Variants in FSTL4 observed in about 807,000 individuals in gnomAD.
FSTL4 encodes the protein follistatin like 4, also known as follistatin-related protein 4.
A neutral mutation model predicts 78.2 loss-of-function variants in FSTL4; 28 were observed. The observed-to-expected ratio is 0.36, with a 90% CI of 0.27 to 0.49. The LOEUF is 0.49. Ranked by LOEUF, FSTL4 falls within the 20% of genes least tolerant of loss-of-function variation. FSTL4 has a pLI of 0.98. For missense variants in FSTL4, 922 were observed against 1,084.9 expected (o/e 0.85, Z 2.11); for synonymous variants, 422 against 440.5 (o/e 0.96, Z 0.53).
intron 6 of FSTL4, among the ~76,000 whole-genome samples, chr5:133,299,875 C>T (rs1753493285): frequency 6.6e-6 from 1 of 152,218 alleles, no homozygotes; most frequent in Non-Finnish European, 1.5e-5. Flanking sequence ...AGTCGGTACA[C>T]TGTCTACAGG....
At chr5:133,222,778 C>T (rs556233587) in intron 11 of FSTL4, among the ~76,000 whole-genome samples, 3 of 152,290 alleles carry the variant, frequency 2.0e-5, no homozygotes, top group African/African-American at 4.8e-5. Flanking sequence ...TAAGAGGGCC[C>T]GAAGGAGCTG....
chr5:133,829,282 A>G, the FSTL4 span, among the ~76,000 whole-genome samples: 4 of 152,194 alleles, frequency 2.6e-5, no homozygotes, highest in Admixed American at 1.3e-4. Context: ...CTGTAGTCCC[A>G]GCTACTCAGG....
In FSTL4 at chr5:133,426,095, T is replaced by C. The variant is rs557628605; in HGVS notation, c.161-25109A>G. Among the ~76,000 whole-genome samples, 1 of 152,336 alleles carries C rather than the reference T, an allele frequency of 6.6e-6. No individual in the cohort carries two copies. Among genetic ancestry groups the C allele is most frequent in the South Asian group, 2.1e-4 (1 of 4,816 alleles). On this transcript the variant is annotated intron_variant, in intron 3 of 15. Transcript: ENST00000265342. The surrounding 1 kb of genome is among the most constrained non-coding windows in gnomAD (Gnocchi z 5.0). ...AGTGGACCAGTCTTGACTTCCTCTG[T>C]AGCTTTCACCTTCCTCATTGCCCCA... is the stretch of plus-strand genomic sequence containing the variant.
intron 4 of FSTL4, among the ~76,000 whole-genome samples, chr5:133,362,407 G>A (rs1308783074): frequency 6.6e-6 from 1 of 152,228 alleles, no homozygotes; most frequent in Non-Finnish European, 1.5e-5. Context: ...AGTCGGCACT[G>A]GATCTGAAAG....
At position 133,225,513 on chromosome 5, in the gene FSTL4, A is replaced by C; in HGVS notation, c.1177+145T>G. Reference sequence around the variant, plus strand: ...AGCCCCAAAAGATCTGTGTGAGCCCAGATAACAGGGAAATTTGGGAGCCAT... The same window carrying C: ...AGCCCCAAAAGATCTGTGTGAGCCCCGATAACAGGGAAATTTGGGAGCCAT... On this transcript the variant is annotated intron_variant, in intron 9 of 15. Transcript: ENST00000265342. The surrounding 1 kb of genome is among the most constrained non-coding windows in gnomAD (Gnocchi z 4.6). 1.1e-6 allele frequency: 1 copy of C among 871,306 alleles called. No individual in the cohort carries two copies. The highest frequency in any genetic ancestry group is 1.8e-6 in the Non-Finnish European group (1 of 555,366). The allele number at this position is 871,306 out of a possible 1,614,324, so 54.0% of individuals were successfully genotyped here.
chr5:133,791,166 T>C, the FSTL4 span, among the ~76,000 whole-genome samples: 1 of 152,138 alleles, frequency 6.6e-6, no homozygotes, highest in Non-Finnish European at 1.5e-5. Context: ...CTTCACCAGA[T>C]AGCCACCTGG....
intron 2 of FSTL4, among the ~76,000 whole-genome samples, chr5:133,592,210 C>T (rs962553556): frequency 1.3e-5 from 2 of 152,176 alleles, no homozygotes; most frequent in African/African-American, 4.8e-5. Context: ...ACGTCACCCA[C>T]GGTTTGGCCT....
intron 3 of FSTL4, among the ~76,000 whole-genome samples, chr5:133,443,210 C>T (rs911332214): frequency 2.0e-5 from 3 of 152,228 alleles, no homozygotes; most frequent in African/African-American, 7.2e-5. Flanking sequence ...TTTAAATTCA[C>T]TCAAGGTCCA....
the FSTL4 span, among the ~76,000 whole-genome samples, chr5:133,719,529 C>T: frequency 6.6e-6 from 1 of 151,834 alleles, no homozygotes; most frequent in Admixed American, 6.6e-5. Context: ...AAAAATTAGC[C>T]AGGCGTAGTG....
the FSTL4 span, among the ~76,000 whole-genome samples, chr5:133,660,861 T>A: frequency 6.6e-6 from 1 of 152,214 alleles, no homozygotes; most frequent in Admixed American, 6.5e-5. Flanking sequence ...GTAAATCCAG[T>A]GAGGCCTGCC....
At chr5:133,632,334 C>T in the FSTL4 span, among the ~76,000 whole-genome samples, 2 of 152,052 alleles carry the variant, frequency 1.3e-5, no homozygotes, top group African/African-American at 4.8e-5. Context: ...ATTTTTGCTT[C>T]AAATATCAAA....
chr5:133,529,644 T>C (rs1234232073), intron 3 of FSTL4, among the ~76,000 whole-genome samples: 1 of 152,194 alleles, frequency 6.6e-6, no homozygotes, highest in Non-Finnish European at 1.5e-5. Flanking sequence ...CCCTGGTGCC[T>C]GATCAAGGAG....
intron 4 of FSTL4, among the ~76,000 whole-genome samples, chr5:133,365,475 C>T (rs1386867752): frequency 2.0e-5 from 3 of 152,158 alleles, no homozygotes; most frequent in African/African-American, 4.8e-5. Context: ...GTCATTTGAG[C>T]GGCCACCAGG....
intron 3 of FSTL4, among the ~76,000 whole-genome samples, chr5:133,495,322 C>A (rs955815326): frequency 1.3e-5 from 2 of 152,214 alleles, no homozygotes; most frequent in Non-Finnish European, 2.9e-5. Flanking sequence ...ACTGTGATTG[C>A]TGGAGAAAGG....
At chr5:133,381,017 G>A (rs1423784929) in intron 4 of FSTL4, among the ~76,000 whole-genome samples, 2 of 152,182 alleles carry the variant, frequency 1.3e-5, no homozygotes, top group African/African-American at 2.4e-5. Flanking sequence ...TCAAAAAGGG[G>A]TTTTATAGTC....
chr5:133,795,049 T>C, the FSTL4 span, among the ~76,000 whole-genome samples: 1 of 152,196 alleles, frequency 6.6e-6, no homozygotes, highest in Non-Finnish European at 1.5e-5. Context: ...TTCATCATTA[T>C]ATGCAAAACA....
At position 133,240,165 on chromosome 5, in the gene FSTL4, A is replaced by C. The variant is rs920316903; in HGVS notation, c.895-6628T>G. On this transcript the variant is annotated intron_variant, in intron 7 of 15. Coordinates refer to ENST00000265342, the MANE Select transcript of FSTL4 (RefSeq NM_015082.2). ...GACCACGAACCCACCAGAAGGAAGAAACTCCAAACGCATCCGAGCATCAGA... is the reference window on the plus strand; with the variant it reads ...GACCACGAACCCACCAGAAGGAAGACACTCCAAACGCATCCGAGCATCAGA... Among the ~76,000 whole-genome samples the C allele has an allele frequency of 7.2e-5, 11 of 152,308 alleles. No individual in the cohort carries two copies. In the Middle Eastern group the frequency reaches 0.01, roughly 141 times the overall value.
the FSTL4 span, among the ~76,000 whole-genome samples, chr5:133,818,615 G>A: frequency 6.6e-6 from 1 of 151,860 alleles, no homozygotes; most frequent in Non-Finnish European, 1.5e-5. Flanking sequence ...ATTAAATCCA[G>A]CCCCCACAGC....
intron 4 of FSTL4, among the ~76,000 whole-genome samples, chr5:133,331,923 G>A (rs146493667): frequency 3.1e-4 from 47 of 152,326 alleles, no homozygotes; most frequent in African/African-American, 8.7e-4. Flanking sequence ...TGGGCAGCCC[G>A]TGGAGGGAGC....
Sources: allele counts gnomAD v4.1 joint callset (sites outside exome capture counted in the v4.1 genomes callset), GRCh38; gene constraint gnomAD v4.1.1; non-coding constraint Gnocchi (gnomAD v3.1); transcripts MANE v1.5; gene names NCBI Gene and HGNC (gene_info 2026-07-23, HGNC 2026-07-21).